Variants in RSPH1 observed in about 807,000 individuals in gnomAD.
The protein encoded by RSPH1 is radial spoke head component 1, also known as radial spoke head 1 homolog.
Under a neutral mutation model 44.2 loss-of-function variants are expected in RSPH1, and 32 were observed. The observed-to-expected ratio is 0.72, with a 90% CI of 0.55 to 0.97. The LOEUF (loss-of-function observed/expected upper bound fraction) is 0.97, where lower values mean the gene tolerates loss of function less well. Among genes scored for constraint, RSPH1 ranks in the 50% least tolerant of loss-of-function variants. RSPH1 has a pLI of 0.00. For synonymous variants in RSPH1, 134 were observed against 147.3 expected (o/e 0.91, Z 0.65); for missense variants, 391 against 398.7 (o/e 0.98, Z 0.16).
chr21:42,491,452 T>C (rs1359376198), intron 3 of RSPH1, among the ~76,000 whole-genome samples: 2 of 152,158 alleles, frequency 1.3e-5, no homozygotes. Flanking sequence ...CCTAAATATC[T>C]TCGTGTGTGT....
chr21:42,485,899 G>A (rs150483282), intron 4 of RSPH1, 95 bp from the exon 5 acceptor site: 2 of 1,475,112 alleles, frequency 1.4e-6, no homozygotes, highest in Non-Finnish European at 1.9e-6. Context: ...GGAGGCCCAG[G>A]CTGTTGCAGG....
At chr21:42,485,266 G>A in intron 5 of RSPH1, 1 of 178,586 alleles carries the variant, frequency 5.6e-6, no homozygotes, top group Non-Finnish European at 1.2e-5. Flanking sequence ...TTCCTCCCCA[G>A]GGATGTCGCA....
chr21:42,475,478 G>T (rs2054035887), intron 8 of RSPH1, among the ~76,000 whole-genome samples: 2 of 150,562 alleles, frequency 1.3e-5, no homozygotes, highest in Non-Finnish European at 3.0e-5. Context: ...TGAGGCAGGG[G>T]AATTGCTTGA....
intron 1 of RSPH1, among the ~76,000 whole-genome samples, chr21:42,494,226 A>G (rs1459124338): frequency 6.6e-6 from 1 of 152,244 alleles, no homozygotes; most frequent in Admixed American, 6.5e-5. Context: ...ATAACATCAC[A>G]CTGTATTTCT....
At chr21:42,490,286 A>G (rs2054224058) in intron 3 of RSPH1, among the ~76,000 whole-genome samples, 1 of 152,218 alleles carries the variant, frequency 6.6e-6, no homozygotes, top group African/African-American at 2.4e-5. Context: ...GGAGACAGGT[A>G]GGGTACTGGA....
In RSPH1 at chr21:42,477,546, G is replaced by C. The variant is rs531941483; in HGVS notation, c.574-102C>G. 9.2e-5 allele frequency: 119 copies of C among 1,295,178 alleles called. No individual in the cohort carries two copies. The African/African-American group carries it at 1.6e-3, about 17-fold the overall frequency. 80.2% of individuals were successfully genotyped at this position (1,295,178 alleles called of 1,614,324 possible). On this transcript the variant is annotated intron_variant, in intron 6 of 8. Transcript: ENST00000291536. ...GGACAAGTTTTGAAAGACAGGTTTT[G>C]GCTTGTGTTTCAGCCTTTTTAGGAC...
rs895532821 is a variant in RSPH1, at chr21:42,495,884, G to T, written c.54+249C>A. On this transcript the variant is annotated intron_variant, in intron 1 of 8. Transcript: ENST00000291536. ...GCTGGGAAATCTTTGCCTTTAATGG[G>T]AGGCAGGATGGGGGTGGGGGAAGAA... 3 of 520,718 alleles carry T rather than the reference G, an allele frequency of 5.8e-6. No individual in the cohort carries two copies. In the East Asian group the frequency reaches 9.3e-5, roughly 16 times the overall value. 32.3% of individuals were successfully genotyped at this position (520,718 alleles called of 1,614,324 possible).
In RSPH1 at chr21:42,474,518, C is replaced by A. The variant is rs749379242; in HGVS notation, c.877+1380G>T. Among the ~76,000 whole-genome samples the A allele has an allele frequency of 2.6e-5, 4 of 152,258 alleles. No individual in the cohort carries two copies. The highest frequency in any genetic ancestry group is 9.6e-5 in the African/African-American group (4 of 41,470). ...TGCCTATCAAACCCAGTGTCTCCCC[C>A]TCCAGCTGTGCTCCACAGTGACTAA... On this transcript the variant is annotated intron_variant, in intron 8 of 8. Coordinates refer to ENST00000291536, the MANE Select transcript of RSPH1 (RefSeq NM_080860.4). This position sits in a 1 kb window ranked among gnomAD's most constrained non-coding sequence, Gnocchi z 5.2.
intron 5 of RSPH1, among the ~76,000 whole-genome samples, chr21:42,483,346 A>G (rs1398619552): frequency 1.3e-5 from 2 of 152,094 alleles, no homozygotes; most frequent in African/African-American, 4.8e-5. Flanking sequence ...GGACAAAAGC[A>G]TACATGTGCT....
chr21:42,482,586 G>T, intron 6 of RSPH1, 51 bp downstream of exon 6: 1 of 1,321,934 alleles, frequency 7.6e-7, no homozygotes, highest in Non-Finnish European at 1.1e-6. Context: ...ATATTTTTGA[G>T]CAGCTACTTC....
At chr21:42,479,418 C>G (rs977854890) in intron 6 of RSPH1, among the ~76,000 whole-genome samples, 3 of 152,218 alleles carry the variant, frequency 2.0e-5, no homozygotes, top group African/African-American at 7.2e-5. Context: ...CTACCTTCTT[C>G]TCATCATCCT....
At chr21:42,485,863 T>C (rs1479275178) in intron 4 of RSPH1, 59 bp from the exon 5 acceptor site, 2 of 1,606,762 alleles carry the variant, frequency 1.2e-6, no homozygotes, top group South Asian at 1.1e-5. Context: ...ATCTCCCAGG[T>C]TTAAAACACA....
At chr21:42,478,517 G>A (rs1009572865) in intron 6 of RSPH1, among the ~76,000 whole-genome samples, 3 of 152,208 alleles carry the variant, frequency 2.0e-5, no homozygotes, top group African/African-American at 7.2e-5. Context: ...AGATTCCCAG[G>A]TGAAGCTGAC....
chr21:42,495,895 G>A (rs1377800960), intron 1 of RSPH1: 2 of 538,452 alleles, frequency 3.7e-6, no homozygotes, highest in Non-Finnish European at 6.7e-6. Flanking sequence ...AGGCAGGATG[G>A]GGGTGGGGGA....
intron 8 of RSPH1, 67 bp from the exon 9 acceptor site, chr21:42,472,937 C>G (rs750944453): frequency 4.6e-5 from 54 of 1,174,398 alleles, no homozygotes; most frequent in Non-Finnish European, 6.2e-5. Flanking sequence ...AGCCTTTATT[C>G]ACTAACAGAT....
chr21:42,492,043 A>C lies in RSPH1; in HGVS notation c.274+715T>G, dbSNP rs143183924. Among the ~76,000 whole-genome samples the C allele has an allele frequency of 3.4e-3, 519 of 152,370 alleles. 6 individuals carry two copies. The highest frequency in any genetic ancestry group is 0.012 in the African/African-American group (492 of 41,586). On this transcript the variant is annotated intron_variant, in intron 3 of 8. Coordinates refer to ENST00000291536, the MANE Select transcript of RSPH1 (RefSeq NM_080860.4). The stretch of plus-strand genomic sequence containing the variant: ...ACAGATCTTTTTGGAAATCTGAAGA[A>C]AACTAGACAATTTCTTTCTTCCTAG...
At chr21:42,494,413 A>C (rs1440343694) in intron 1 of RSPH1, among the ~76,000 whole-genome samples, 1 of 152,210 alleles carries the variant, frequency 6.6e-6, no homozygotes, top group East Asian at 1.9e-4. Flanking sequence ...CCTAGAATAT[A>C]AGGTAAAAAT....
intron 4 of RSPH1, 68 bp from the exon 5 acceptor site, chr21:42,485,872 C>A (rs2054176221): frequency 6.3e-7 from 1 of 1,594,626 alleles, no homozygotes; most frequent in African/African-American, 1.3e-5. Flanking sequence ...GTTTAAAACA[C>A]AGACATTGAC....
At chr21:42,492,129 C>T (rs183511509) in intron 3 of RSPH1, among the ~76,000 whole-genome samples, 18 of 152,348 alleles carry the variant, frequency 1.2e-4, no homozygotes, top group Admixed American at 8.5e-4. Flanking sequence ...ACTCACAACA[C>T]GCTCCCTGCC....
Sources: gnomAD v4.1 joint callset for allele counts (sites outside exome capture counted in the v4.1 genomes callset) on GRCh38, gnomAD v4.1.1 for gene constraint, Gnocchi (gnomAD v3.1) non-coding constraint, MANE v1.5 for transcripts, NCBI Gene and HGNC (gene_info 2026-07-23, HGNC 2026-07-21) for gene names.